Variants in CNOT4 observed in about 807,000 individuals in gnomAD.
CNOT4 encodes the protein CCR4-associated factor 4.
CNOT4 carries 8 observed loss-of-function variants against 73.8 expected under a neutral mutation model. That is an observed-to-expected ratio of 0.11 (90% CI 0.06 to 0.20). The LOEUF is 0.20. CNOT4 is among the 10% of genes least tolerant of loss of function. The probability of loss-of-function intolerance (pLI) is 1.00; values close to 1 mark genes in which losing one functional copy is unlikely to be tolerated. For synonymous variants in CNOT4, 293 were observed against 321.1 expected (o/e 0.91, Z 0.94); for missense variants, 564 against 883.4 (o/e 0.64, Z 4.58).
chr7:135,498,931 C>T (rs1803775972), intron 1 of CNOT4, among the ~76,000 whole-genome samples: 1 of 152,194 alleles, frequency 6.6e-6, no homozygotes, highest in Admixed American at 6.5e-5. Context: ...GCATTTAACT[C>T]ATATAGGTAC....
intron 1 of CNOT4, among the ~76,000 whole-genome samples, chr7:135,446,793 A>G (rs1367123705): frequency 6.6e-6 from 1 of 152,056 alleles, no homozygotes; most frequent in Non-Finnish European, 1.5e-5. Flanking sequence ...AGTTTCCATA[A>G]ATTCTGGAGG....
At chr7:135,455,699 AC>A (rs1800483016) in intron 1 of CNOT4, among the ~76,000 whole-genome samples, 3 of 151,986 alleles carry the variant, frequency 2.0e-5, no homozygotes, top group Admixed American at 2.0e-4. Flanking sequence ...ACATGCTGAA[AC>A]CCTATCTCTA....
At chr7:135,415,477 T>C (rs1409139490) in intron 3 of CNOT4, among the ~76,000 whole-genome samples, 7 of 152,132 alleles carry the variant, frequency 4.6e-5, no homozygotes, top group African/African-American at 1.7e-4. Flanking sequence ...ACCCACTGAA[T>C]AGAAACTGAG....
chr7:135,393,075 G>C (rs1796484627), intron 10 of CNOT4, among the ~76,000 whole-genome samples: 1 of 152,030 alleles, frequency 6.6e-6, no homozygotes, highest in Non-Finnish European at 1.5e-5. Context: ...AATCAGGAGA[G>C]GAACAAACTT....
At chr7:135,498,410 T>C (rs997411927) in intron 1 of CNOT4, among the ~76,000 whole-genome samples, 3 of 152,232 alleles carry the variant, frequency 2.0e-5, no homozygotes, top group Non-Finnish European at 4.4e-5. Flanking sequence ...AAATACTTGC[T>C]AGGCATGACA....
In CNOT4 at chr7:135,364,424, G is replaced by A. The variant is rs1239021298; in HGVS notation, c.1628-358C>T. Among the ~76,000 whole-genome samples the A allele has an allele frequency of 6.6e-6, 1 of 152,208 alleles. No individual in the cohort carries two copies. The highest frequency in any genetic ancestry group is 2.4e-5 in the African/African-American group (1 of 41,442). On this transcript the variant is annotated intron_variant, in intron 10 of 11. Coordinates refer to ENST00000541284, the MANE Select transcript of CNOT4 (RefSeq NM_001190850.2). The surrounding 1 kb of genome is among the most constrained non-coding windows in gnomAD (Gnocchi z 4.3). ...CACTTAGTGAGGCATTTAGCCAGCT[G>A]AGCTGATTTACGCTATAAAAAAGCC...
chr7:135,375,407 T>A (rs933797526), intron 10 of CNOT4, among the ~76,000 whole-genome samples: 6 of 152,148 alleles, frequency 3.9e-5, no homozygotes, highest in African/African-American at 1.4e-4. Flanking sequence ...AGATAAAAAA[T>A]TTCTAACAAT....
intron 1 of CNOT4, among the ~76,000 whole-genome samples, chr7:135,471,737 C>T (rs1801590435): frequency 6.6e-6 from 1 of 152,180 alleles, no homozygotes; most frequent in Non-Finnish European, 1.5e-5. Context: ...TATACAATGA[C>T]TTGTATTATT....
At chr7:135,432,154 T>C (rs1006820825) in intron 2 of CNOT4, among the ~76,000 whole-genome samples, 2 of 152,188 alleles carry the variant, frequency 1.3e-5, no homozygotes, top group Non-Finnish European at 2.9e-5. Context: ...ATAGATATAA[T>C]CATCAATGGA....
chr7:135,428,921 C>G (rs1421639135), intron 2 of CNOT4, among the ~76,000 whole-genome samples: 2 of 152,088 alleles, frequency 1.3e-5, no homozygotes, highest in Non-Finnish European at 2.9e-5. Flanking sequence ...TCCATTGTGG[C>G]CTGTTTTTTG....
rs1794747061 is a variant in CNOT4 at position 135,363,432 on chromosome 7, A to G, written c.1841-246T>C. Among the ~76,000 whole-genome samples the G allele has an allele frequency of 6.6e-6, 1 of 152,162 alleles. No homozygotes were observed. Among genetic ancestry groups the G allele is most frequent in the Non-Finnish European group, 1.5e-5 (1 of 68,026 alleles). ...TGTCACAGAGGCAGAGCTGCAAAAC[A>G]CCATTCCCCAGAACTGCCTGATGGC... On this transcript the variant is annotated intron_variant, in intron 11 of 11. Coordinates refer to ENST00000541284, the MANE Select transcript of CNOT4 (RefSeq NM_001190850.2). The surrounding 1 kb of genome is among the most constrained non-coding windows in gnomAD (Gnocchi z 4.3).
intron 10 of CNOT4, among the ~76,000 whole-genome samples, chr7:135,378,080 C>G (rs17168416): frequency 6.6e-6 from 1 of 152,122 alleles, no homozygotes. Context: ...GTTGGGGGAA[C>G]TGAGTAATGC....
intron 7 of CNOT4, among the ~76,000 whole-genome samples, chr7:135,400,342 C>T (rs1389479074): frequency 1.3e-5 from 2 of 151,954 alleles, no homozygotes; most frequent in East Asian, 3.9e-4. Flanking sequence ...GGTGGCGGAA[C>T]ATAATAGCGA....
intron 10 of CNOT4, chr7:135,387,140 ATAATAAGTCTACAATAT>A (rs1268626137): frequency 3.1e-6 from 3 of 978,106 alleles, no homozygotes; most frequent in Non-Finnish European, 3.6e-6. Flanking sequence ...TAAAAGACTG[ATAATAAGTCTACAATAT>A]TAATAAGTCT....
chr7:135,434,209 T>A (rs1422354100), intron 2 of CNOT4, among the ~76,000 whole-genome samples: 1 of 152,112 alleles, frequency 6.6e-6, no homozygotes, highest in Non-Finnish European at 1.5e-5. Context: ...AACATTGTGG[T>A]TTTCCTCTGT....
chr7:135,420,631 AAATACTGGCAT>A (rs1211503200), intron 3 of CNOT4, among the ~76,000 whole-genome samples: 1 of 150,734 alleles, frequency 6.6e-6, no homozygotes, highest in Non-Finnish European at 1.5e-5. Context: ...TAGTAGGTGT[AAATACTGGCAT>A]AAGTGCCCGT....
intron 3 of CNOT4, among the ~76,000 whole-genome samples, chr7:135,420,513 G>A (rs1191443859): frequency 6.8e-6 from 1 of 147,658 alleles, no homozygotes; most frequent in Non-Finnish European, 1.5e-5. Flanking sequence ...GGAGGCTGAG[G>A]CTGCAGTGAA....
At position 135,396,107 on chromosome 7, in the gene CNOT4, C is replaced by CTTTTTTTTTTT. The variant is rs71174519; in HGVS notation, c.880-235_880-225dup. ...GCTTGAAAAGATTAAACTAGTCTCCCTTTTTTTTTTTTTTTTTTTTTTTTT... is the reference window on the plus strand; with the variant it reads ...GCTTGAAAAGATTAAACTAGTCTCCCTTTTTTTTTTTTTTTTTTTTTTTTTTTTTTTTTTTT... On this transcript the variant is annotated intron_variant, in intron 8 of 11. Coordinates refer to ENST00000541284, the MANE Select transcript of CNOT4 (RefSeq NM_001190850.2). Among the ~76,000 whole-genome samples the CTTTTTTTTTTT allele has an allele frequency of 4.2e-5, 4 of 95,436 alleles. 1 individual carries two copies. Among genetic ancestry groups the CTTTTTTTTTTT allele is most frequent in the Non-Finnish European group, 7.9e-5 (4 of 50,786 alleles). The allele number at this position is 95,436 out of a possible 152,430, so 62.6% of individuals were successfully genotyped here. A position where few individuals can be genotyped will look rare whatever the true frequency, so the allele number is the denominator to read the frequency against.
chr7:135,371,118 G>A (rs1453986854), intron 10 of CNOT4, among the ~76,000 whole-genome samples: 2 of 152,184 alleles, frequency 1.3e-5, no homozygotes, highest in Non-Finnish European at 2.9e-5. Context: ...ACAATCCAAT[G>A]AGGTTAAGTA....
Sources: gnomAD v4.1 joint callset for allele counts (sites outside exome capture counted in the v4.1 genomes callset) on GRCh38, gnomAD v4.1.1 for gene constraint, Gnocchi (gnomAD v3.1) non-coding constraint, MANE v1.5 for transcripts, NCBI Gene and HGNC (gene_info 2026-07-23, HGNC 2026-07-21) for gene names.